RBMS1: variants seen among roughly 807,000 people sequenced by gnomAD.
RBMS1 encodes RNA-binding motif, single-stranded-interacting protein 1.
In RBMS1, 17 loss-of-function variants were observed where a neutral mutation model predicts 62.3. That is an observed-to-expected ratio of 0.27 (90% CI 0.19 to 0.41). The LOEUF is 0.41. RBMS1 is among the 10% of genes least tolerant of loss of function. RBMS1 has a pLI of 1.00. For synonymous variants in RBMS1, 172 were observed against 170.0 expected (o/e 1.01, Z -0.09); for missense variants, 334 against 504.5 (o/e 0.66, Z 3.24).
chr2:160,419,508 T>C (rs1696334185), intron 1 of RBMS1, among the ~76,000 whole-genome samples: 2 of 152,210 alleles, frequency 1.3e-5, no homozygotes, highest in South Asian at 4.1e-4. Flanking sequence ...CATTCTATCA[T>C]TTAACATTTA....
chr2:160,407,262 C>T (rs944384566), intron 1 of RBMS1, among the ~76,000 whole-genome samples: 1 of 152,162 alleles, frequency 6.6e-6, no homozygotes, highest in Non-Finnish European at 1.5e-5. Context: ...CTCCACTTCC[C>T]ACCCTGCCCG....
At chr2:160,473,936 C>G (rs1163443278) in intron 1 of RBMS1, among the ~76,000 whole-genome samples, 1 of 151,964 alleles carries the variant, frequency 6.6e-6, no homozygotes, top group Non-Finnish European at 1.5e-5. Flanking sequence ...TAGTGTTTAC[C>G]TGGTTACTAT....
chr2:160,410,608 G>A (rs749630573), intron 1 of RBMS1, among the ~76,000 whole-genome samples: 2 of 152,208 alleles, frequency 1.3e-5, no homozygotes, highest in Non-Finnish European at 2.9e-5. Context: ...ACAGATCCTG[G>A]TGAGGTTCAT....
chr2:160,412,503 T>G (rs1574027254), intron 1 of RBMS1, among the ~76,000 whole-genome samples: 1 of 152,292 alleles, frequency 6.6e-6, no homozygotes, highest in East Asian at 1.9e-4. Context: ...AGTCTTATGC[T>G]CTCTAAAACT....
At chr2:160,474,049 GTTAAA>G (rs1383327395) in intron 1 of RBMS1, among the ~76,000 whole-genome samples, 1 of 151,884 alleles carries the variant, frequency 6.6e-6, no homozygotes, top group Non-Finnish European at 1.5e-5. Flanking sequence ...ATACATAAAG[GTTAAA>G]AACTTCTCTG....
chr2:160,336,970 A>G (rs571308964), intron 2 of RBMS1, among the ~76,000 whole-genome samples: 1 of 152,266 alleles, frequency 6.6e-6, no homozygotes, highest in South Asian at 2.1e-4. Context: ...GTGGGCTCAC[A>G]TTAGGGCAAT....
At chr2:160,362,140 G>A (rs969996219) in intron 2 of RBMS1, among the ~76,000 whole-genome samples, 4 of 152,190 alleles carry the variant, frequency 2.6e-5, no homozygotes, top group Non-Finnish European at 4.4e-5. Flanking sequence ...GTCTTGCTCT[G>A]GATTAGGCTT....
chr2:160,446,773 G>C (rs1460618267), intron 1 of RBMS1, among the ~76,000 whole-genome samples: 2 of 152,128 alleles, frequency 1.3e-5, no homozygotes, highest in African/African-American at 4.8e-5. Context: ...TCCTCGGACT[G>C]CTGTCCCCTC....
At chr2:160,482,542 T>C (rs1284951324) in intron 1 of RBMS1, among the ~76,000 whole-genome samples, 1 of 152,250 alleles carries the variant, frequency 6.6e-6, no homozygotes, top group African/African-American at 2.4e-5. Context: ...TTAATTAAAC[T>C]GACCAGGTAT....
At position 160,273,783 on chromosome 2, in the gene RBMS1, T is replaced by A. The variant is rs1687690710; in HGVS notation, c.*989A>T. 2 of 117,648 alleles carry A rather than the reference T, an allele frequency of 1.7e-5. No individual in the cohort carries two copies. Among genetic ancestry groups the A allele is most frequent in the Non-Finnish European group, 3.5e-5 (2 of 57,636 alleles). The allele number at this position is 117,648 out of a possible 1,614,324, so 7.3% of individuals were successfully genotyped here. On this transcript the variant is annotated 3_prime_UTR_variant, in exon 14 of 14. Coordinates refer to ENST00000348849, the MANE Select transcript of RBMS1 (RefSeq NM_016836.4). ...CATCAAGTTAGCTTTTTTTTTTTCCTGAAAAAAGGCAAAAAAGACTTTACA... is the reference window on the plus strand; with the variant it reads ...CATCAAGTTAGCTTTTTTTTTTTCCAGAAAAAAGGCAAAAAAGACTTTACA...
At chr2:160,312,467 T>A (rs1689979283) in intron 4 of RBMS1, among the ~76,000 whole-genome samples, 1 of 152,206 alleles carries the variant, frequency 6.6e-6, no homozygotes, top group Admixed American at 6.6e-5. Context: ...TCCCATTTTA[T>A]AATCCCCTAA....
chr2:160,289,350 C>A (rs937239201), intron 6 of RBMS1, among the ~76,000 whole-genome samples: 1 of 152,202 alleles, frequency 6.6e-6, no homozygotes, highest in African/African-American at 2.4e-5. Flanking sequence ...TGTATACTGG[C>A]AGGCATTTCA....
chr2:160,407,958 C>T, intron 1 of RBMS1: 1 of 975,078 alleles, frequency 1.0e-6, no homozygotes, highest in Non-Finnish European at 1.2e-6. Context: ...CGCGCCGCGC[C>T]CAGGCCCACC....
intron 1 of RBMS1, among the ~76,000 whole-genome samples, chr2:160,481,901 A>G (rs1276605002): frequency 6.6e-6 from 1 of 152,220 alleles, no homozygotes. Flanking sequence ...CCTTGCTGGC[A>G]GGAGAAAACT....
intron 1 of RBMS1, among the ~76,000 whole-genome samples, chr2:160,370,319 C>G (rs974036412): frequency 6.6e-6 from 1 of 152,138 alleles, no homozygotes; most frequent in African/African-American, 2.4e-5. Flanking sequence ...AATTTTTAAA[C>G]CCAAGATTAC....
intron 1 of RBMS1, among the ~76,000 whole-genome samples, chr2:160,433,111 TA>T (rs35458527): frequency 0.33 from 48,125 of 146,592 alleles, 8,738 homozygotes; most frequent in East Asian, 0.62. Flanking sequence ...ATACGAATAT[TA>T]AAAAAAAAAA....
At chr2:160,452,619 C>T (rs1276599815) in intron 1 of RBMS1, among the ~76,000 whole-genome samples, 1 of 152,178 alleles carries the variant, frequency 6.6e-6, no homozygotes, top group African/African-American at 2.4e-5. Flanking sequence ...CAACTGTATT[C>T]TCTTCCAAGG....
chr2:160,431,127 CAATAGTCTAATAA>C (rs990680012), intron 1 of RBMS1, among the ~76,000 whole-genome samples: 12 of 142,544 alleles, frequency 8.4e-5, no homozygotes, highest in East Asian at 2.3e-4. Flanking sequence ...GTTACCTAGG[CAATAGTCTAATAA>C]AATAGTCTAA....
chr2:160,304,195 GCTAT>G (rs1232870355), intron 4 of RBMS1, among the ~76,000 whole-genome samples: 1 of 152,126 alleles, frequency 6.6e-6, no homozygotes, highest in African/African-American at 2.4e-5. Context: ...CTTGCAAAAG[GCTAT>G]CTAAGGAGTT....
Sources: gnomAD v4.1 joint callset for allele counts (sites outside exome capture counted in the v4.1 genomes callset) on GRCh38, gnomAD v4.1.1 for gene constraint, MANE v1.5 for transcripts, NCBI Gene and HGNC (gene_info 2026-07-23, HGNC 2026-07-21) for gene names.